PTCHD4: variants seen among roughly 807,000 people sequenced by gnomAD.
The protein encoded by PTCHD4 is patched domain-containing protein 4.
Under a neutral mutation model 58.1 loss-of-function variants are expected in PTCHD4, and 33 were observed. That is an observed-to-expected ratio of 0.57 (90% CI 0.43 to 0.76). PTCHD4 has a LOEUF of 0.76. PTCHD4 is among the 30% of genes least tolerant of loss of function. The pLI is 0.00. For synonymous variants in PTCHD4, 478 were observed against 409.6 expected (o/e 1.17, Z -2.02); for missense variants, 1,058 against 1,027.1 (o/e 1.03, Z -0.41).
intron 4 of PTCHD4, among the ~76,000 whole-genome samples, chr6:47,937,192 G>A (rs2113917131): frequency 6.6e-6 from 1 of 152,284 alleles, no homozygotes; most frequent in South Asian, 2.1e-4. Flanking sequence ...AGCATGCCAT[G>A]GCTGGTGTTT....
At chr6:48,021,913 G>A (rs72869923) in intron 3 of PTCHD4, among the ~76,000 whole-genome samples, 1,585 of 152,176 alleles carry the variant, frequency 0.01, 22 homozygotes, top group Non-Finnish European at 0.016. Flanking sequence ...GATGAAGGTG[G>A]TACCTTTCTG....
chr6:47,891,156 AG>A (rs752169156), intron 4 of PTCHD4, among the ~76,000 whole-genome samples: 24 of 139,828 alleles, frequency 1.7e-4, no homozygotes, highest in Non-Finnish European at 3.2e-4. Context: ...TGGGAGGTGG[AG>A]GTTGCAGTGA....
At chr6:47,944,230 T>G (rs1298260931) in intron 4 of PTCHD4, among the ~76,000 whole-genome samples, 10 of 152,130 alleles carry the variant, frequency 6.6e-5, no homozygotes, top group Admixed American at 6.6e-4. Context: ...AGATTGAGAC[T>G]AACCTGCCTA....
intron 3 of PTCHD4, among the ~76,000 whole-genome samples, chr6:48,040,721 A>T (rs141087353): frequency 6.6e-5 from 10 of 152,168 alleles, no homozygotes; most frequent in African/African-American, 2.4e-4. Flanking sequence ...TGTGAAATGG[A>T]TACTATTAGT....
intron 1 of PTCHD4, among the ~76,000 whole-genome samples, chr6:48,107,653 G>A (rs1175666625): frequency 2.0e-5 from 3 of 152,110 alleles, no homozygotes; most frequent in Non-Finnish European, 4.4e-5. Context: ...CACCATCAGA[G>A]TGAACAGGAA....
At chr6:47,969,400 A>T (rs751815264) in intron 4 of PTCHD4, among the ~76,000 whole-genome samples, 4 of 152,266 alleles carry the variant, frequency 2.6e-5, no homozygotes, top group Non-Finnish European at 4.4e-5. Context: ...AATATCTAAC[A>T]CCAGCAGGCA....
At chr6:47,910,063 G>C (rs549458984) in intron 4 of PTCHD4, among the ~76,000 whole-genome samples, 1 of 152,276 alleles carries the variant, frequency 6.6e-6, no homozygotes, top group South Asian at 2.1e-4. Flanking sequence ...TTTAGTAGGA[G>C]ATACTTAAGA....
At position 48,079,501 on chromosome 6, in the gene PTCHD4, T is replaced by C. The variant is rs1320951423; in HGVS notation, c.-969-9575A>G. 2.0e-5 allele frequency among the ~76,000 whole-genome samples: 3 copies of C among 151,812 alleles called. No homozygotes were observed. In the South Asian group the frequency reaches 6.2e-4, roughly 32 times the overall value. ...CATATCACTGTAAAGAAAACAACAA[T>C]AGAAGAGTACAGTATTCCCTACTTC... On this transcript the variant is annotated intron_variant, in intron 1 of 4. Transcript: ENST00000339488.
At chr6:47,944,533 A>G (rs565283579) in intron 4 of PTCHD4, among the ~76,000 whole-genome samples, 1 of 152,238 alleles carries the variant, frequency 6.6e-6, no homozygotes, top group East Asian at 1.9e-4. Flanking sequence ...TTAAAGCTTT[A>G]ACAGGGGCTT....
At chr6:47,984,435 C>T (rs1235169622) in intron 4 of PTCHD4, among the ~76,000 whole-genome samples, 4 of 152,056 alleles carry the variant, frequency 2.6e-5, no homozygotes, top group East Asian at 1.9e-4. Flanking sequence ...GTCACCAGAA[C>T]GTCATGGGGG....
intron 1 of PTCHD4, among the ~76,000 whole-genome samples, chr6:48,073,968 TA>T (rs568523504): frequency 1.7e-3 from 254 of 152,306 alleles, no homozygotes; most frequent in African/African-American, 5.8e-3. Context: ...GTCCTGATTA[TA>T]AGTTCAGGGC....
At chr6:47,906,834 T>C (rs1375407895) in intron 4 of PTCHD4, among the ~76,000 whole-genome samples, 1 of 152,172 alleles carries the variant, frequency 6.6e-6, no homozygotes, top group Non-Finnish European at 1.5e-5. Flanking sequence ...AACTTTACAG[T>C]AGTGAGACCT....
intron 3 of PTCHD4, among the ~76,000 whole-genome samples, chr6:48,024,600 A>T (rs527976116): frequency 1.3e-5 from 2 of 152,178 alleles, no homozygotes; most frequent in South Asian, 4.2e-4. Context: ...ACCCTCCTTC[A>T]CTGTAGGCAT....
chr6:48,071,294 G>A (rs1389219654), intron 1 of PTCHD4, among the ~76,000 whole-genome samples: 1 of 152,116 alleles, frequency 6.6e-6, no homozygotes, highest in African/African-American at 2.4e-5. Flanking sequence ...ACTAAATAAT[G>A]TATGGTATAT....
At chr6:47,991,454 A>G (rs2114035121) in intron 4 of PTCHD4, among the ~76,000 whole-genome samples, 1 of 152,290 alleles carries the variant, frequency 6.6e-6, no homozygotes, top group South Asian at 2.1e-4. Flanking sequence ...CCAGCAGGAC[A>G]TTTCTAGAGA....
At chr6:48,056,621 G>T (rs979965032) in intron 3 of PTCHD4, among the ~76,000 whole-genome samples, 1 of 152,190 alleles carries the variant, frequency 6.6e-6, no homozygotes, top group East Asian at 1.9e-4. Flanking sequence ...ATACAAAAGA[G>T]GTCATATTAA....
intron 4 of PTCHD4, among the ~76,000 whole-genome samples, chr6:48,002,091 C>G (rs554662393): frequency 1.3e-5 from 2 of 152,230 alleles, no homozygotes; most frequent in East Asian, 1.9e-4. Context: ...GAATGGCGAT[C>G]ATTAAAAAGT....
chr6:47,900,438 GAA>G (rs1487978121), intron 4 of PTCHD4: 1 of 151,990 alleles, frequency 6.6e-6, no homozygotes, highest in Non-Finnish European at 1.5e-5. Context: ...ATGTCTATTC[GAA>G]TCTTCTGTCC....
chr6:47,862,434 A>G lies in PTCHD4; in HGVS notation c.*15869T>C, dbSNP rs541773603. ...TTTTATTCAAGATCAAAATTTTTCA[A>G]TTATTCTAGAATGCTATATCATTTT... On this transcript the variant is annotated 3_prime_UTR_variant, in exon 5 of 5. Transcript: ENST00000339488. Among the ~76,000 whole-genome samples, 33 of 151,876 alleles carry G rather than the reference A, an allele frequency of 2.2e-4. No homozygotes were observed. The highest frequency in any genetic ancestry group is 5.5e-4 in the African/African-American group (23 of 41,506).
Sources: gnomAD v4.1 joint callset for allele counts (sites outside exome capture counted in the v4.1 genomes callset) on GRCh38, gnomAD v4.1.1 for gene constraint, MANE v1.5 for transcripts, NCBI Gene and HGNC (gene_info 2026-07-23, HGNC 2026-07-21) for gene names.